The following SPATS2 variants were observed in gnomAD, a reference collection of about 807,000 sequenced individuals.
SPATS2 encodes spermatogenesis-associated serine-rich protein 2.
SPATS2 carries 38 observed loss-of-function variants against 63.7 expected under a neutral mutation model. The ratio of observed to expected loss-of-function variants is 0.60; its 90% CI spans 0.46 to 0.78. The LOEUF is 0.78. SPATS2 is among the 30% of genes least tolerant of loss of function. The pLI, the probability that SPATS2 is intolerant of heterozygous loss-of-function variation, is 0.00. For missense variants in SPATS2, 588 were observed against 666.2 expected (o/e 0.88, Z 1.29); for synonymous variants, 207 against 232.9 (o/e 0.89, Z 1.01).
chr12:49,494,346 C>T (rs1008194243), intron 6 of SPATS2, among the ~76,000 whole-genome samples: 1 of 152,154 alleles, frequency 6.6e-6, no homozygotes, highest in Non-Finnish European at 1.5e-5. Flanking sequence ...ACTGAGGTTG[C>T]ATATCATTCT....
At chr12:49,394,446 T>C (rs567060672) in intron 2 of SPATS2, among the ~76,000 whole-genome samples, 3 of 152,084 alleles carry the variant, frequency 2.0e-5, no homozygotes, top group Admixed American at 6.6e-5. Context: ...TTGGGGAGAA[T>C]TGGCATGCTG....
At chr12:49,512,906 G>A (rs1207962231) in intron 9 of SPATS2, 1 of 1,289,076 alleles carries the variant, frequency 7.8e-7, no homozygotes, top group Admixed American at 2.3e-5. Flanking sequence ...TATTGCCAAG[G>A]TTTGGGAAAT....
At chr12:49,395,904 CTT>C (rs768028688) in intron 2 of SPATS2, among the ~76,000 whole-genome samples, 15 of 152,200 alleles carry the variant, frequency 9.9e-5, no homozygotes, top group Non-Finnish European at 1.9e-4. Flanking sequence ...AATAGCAACT[CTT>C]TGTTTCCCCC....
chr12:49,374,374 C>T (rs2137148830), intron 2 of SPATS2, among the ~76,000 whole-genome samples: 1 of 152,222 alleles, frequency 6.6e-6, no homozygotes, highest in African/African-American at 2.4e-5. Context: ...AGCGATCCTC[C>T]TGCCCTTGGC....
chr12:49,400,582 G>A (rs368839527), intron 2 of SPATS2, among the ~76,000 whole-genome samples: 2 of 152,172 alleles, frequency 1.3e-5, no homozygotes, highest in East Asian at 3.9e-4. Flanking sequence ...GATAGGAGCA[G>A]TCAGTTCATC....
intron 2 of SPATS2, among the ~76,000 whole-genome samples, chr12:49,372,987 T>TGTGA (rs1555176836): frequency 7.9e-6 from 1 of 126,808 alleles, no homozygotes; most frequent in East Asian, 2.0e-4. Context: ...TGTGTGTGTG[T>TGTGA]GTGTGATGGA....
chr12:49,494,541 TTATC>T (rs1236623378), intron 6 of SPATS2, among the ~76,000 whole-genome samples, 196 bp from the exon 7 acceptor site: 29 of 152,168 alleles, frequency 1.9e-4, no homozygotes, highest in Admixed American at 1.0e-3. Context: ...GTGTTTGAGT[TTATC>T]TAAAGTATAG....
intron 2 of SPATS2, among the ~76,000 whole-genome samples, chr12:49,405,723 G>A (rs1944682102): frequency 6.6e-6 from 1 of 152,096 alleles, no homozygotes; most frequent in South Asian, 2.1e-4. Context: ...AAAAAAAGGA[G>A]GGACTTGAGC....
At chr12:49,445,658 C>T (rs1478399548) in intron 2 of SPATS2, among the ~76,000 whole-genome samples, 2 of 152,030 alleles carry the variant, frequency 1.3e-5, no homozygotes, top group Non-Finnish European at 2.9e-5. Context: ...GCTGGGACTG[C>T]AGGTGTGTGT....
upstream of SPATS2, chr12:49,367,075 G>A (rs1365968523): frequency 6.5e-6 from 1 of 152,772 alleles, no homozygotes; most frequent in Admixed American, 6.5e-5. Flanking sequence ...GAGACGCGAG[G>A]GACCGGGCCC....
chr12:49,383,331 T>A (rs1944256480), intron 2 of SPATS2, among the ~76,000 whole-genome samples: 1 of 152,182 alleles, frequency 6.6e-6, no homozygotes, highest in Admixed American at 6.6e-5. Context: ...TATGTATTTT[T>A]TTAATGATAT....
chr12:49,385,808 G>A lies in SPATS2; in HGVS notation c.-244+14518G>A, dbSNP rs188668761. 3.3e-3 allele frequency among the ~76,000 whole-genome samples: 504 copies of A among 151,886 alleles called. 13 individuals carry two copies. The highest frequency in any genetic ancestry group is 0.032 in the Admixed American group (488 of 15,252). Reference sequence around the variant, plus strand: ...GAGCATTGAGAGCCCCTTGAGGTTTGCAGTTACAATTTTGTGGGGTTTTTT... The same window carrying A: ...GAGCATTGAGAGCCCCTTGAGGTTTACAGTTACAATTTTGTGGGGTTTTTT... On this transcript the variant is annotated intron_variant, in intron 2 of 13. Transcript: ENST00000552918.
intron 6 of SPATS2, among the ~76,000 whole-genome samples, chr12:49,491,340 C>G (rs988315082): frequency 1.3e-5 from 2 of 152,078 alleles, no homozygotes; most frequent in African/African-American, 4.8e-5. Context: ...CATATTCATA[C>G]CATAAATCAG....
At position 49,445,675 on chromosome 12, in the gene SPATS2, A is replaced by G. The variant is rs377603444; in HGVS notation, c.-243-15095A>G. ...TGGGACTGCAGGTGTGTGTCACCAC[A>G]CCTGGCTAATTTTTAAAAATGTTTT... On this transcript the variant is annotated intron_variant, in intron 2 of 13. Coordinates refer to ENST00000552918, the MANE Select transcript of SPATS2 (RefSeq NM_023071.4). 4.7e-4 allele frequency among the ~76,000 whole-genome samples: 71 copies of G among 151,804 alleles called. No individual in the cohort carries two copies. In the South Asian group the frequency reaches 0.012, roughly 26 times the overall value.
In SPATS2 at chr12:49,437,389, C is replaced by T. The variant is rs1269859566; in HGVS notation, c.-243-23381C>T. On this transcript the variant is annotated intron_variant, in intron 2 of 13. Transcript: ENST00000552918. ...GGCTCCTCACATCCCAGACGATGGG[C>T]GGCCAGGCAGAGACGCTCCTCACTT... Among the ~76,000 whole-genome samples, 238 of 152,044 alleles carry T rather than the reference C, an allele frequency of 1.6e-3. 1 individual carries two copies. The highest frequency in any genetic ancestry group is 5.3e-3 in the African/African-American group (218 of 41,494).
intron 3 of SPATS2, among the ~76,000 whole-genome samples, chr12:49,472,848 T>C (rs1451692404): frequency 1.3e-5 from 2 of 150,658 alleles, no homozygotes; most frequent in East Asian, 3.9e-4. Context: ...GAGACCAGCC[T>C]GGGCAACATG....
chr12:49,507,686 G>A (rs74856829), intron 9 of SPATS2, among the ~76,000 whole-genome samples: 3 of 152,038 alleles, frequency 2.0e-5, no homozygotes, highest in Non-Finnish European at 2.9e-5. Flanking sequence ...AGTTGTAATC[G>A]CAGTGAGAGT....
In SPATS2 at chr12:49,500,109, G is replaced by C; in HGVS notation, c.743G>C (p.Cys248Ser). 1 of 1,602,992 alleles carries C rather than the reference G, an allele frequency of 6.2e-7. No homozygotes were observed. The highest frequency in any genetic ancestry group is 8.5e-7 in the Non-Finnish European group (1 of 1,175,700). ...AAATCTGTAAAAGACCTCCAGCGCT[G>C]CACAGTGTCTCTTGCACGGTATCGA... ...IEKSVKDLQR[C>S]TVSLARYRVV... is the part of the protein sequence containing the mutation. The change falls in exon 9 of 14, where the codon TGC (cysteine) becomes TCC (serine). Residue 248 changes from cysteine to serine, a missense_variant. Physicochemically the swap from Cys to Ser is moderately radical, Grantham distance 112 (BLOSUM62 -1). Coordinates refer to ENST00000552918, the MANE Select transcript of SPATS2 (RefSeq NM_023071.4).
chr12:49,461,282 C>T (rs1945817606), intron 3 of SPATS2: 3 of 487,770 alleles, frequency 6.2e-6, no homozygotes, highest in Admixed American at 3.8e-5. Flanking sequence ...TTTTTGAATA[C>T]TGAACATATG....
Sources: allele counts gnomAD v4.1 joint callset (sites outside exome capture counted in the v4.1 genomes callset), GRCh38; gene constraint gnomAD v4.1.1; transcripts MANE v1.5; gene names NCBI Gene and HGNC (gene_info 2026-07-23, HGNC 2026-07-21).